The following RHD variants were observed in gnomAD, a reference collection of about 807,000 sequenced individuals.
RHD encodes the protein Rh blood group D antigen.
Under a neutral mutation model 45.5 loss-of-function variants are expected in RHD, and 16 were observed. That is an observed-to-expected ratio of 0.35 (90% confidence interval 0.24 to 0.53). The LOEUF is 0.53. Among genes scored for constraint, RHD ranks in the 20% least tolerant of loss-of-function variants. The probability of loss-of-function intolerance (pLI) is 0.92; values close to 1 mark genes in which losing one functional copy is unlikely to be tolerated. For missense variants in RHD, 306 were observed against 532.0 expected (o/e 0.58, Z 4.18); for synonymous variants, 131 against 217.5 (o/e 0.60, Z 3.50).
chr1:25,311,044 A>C (rs1431129277), intron 7 of RHD, among the ~76,000 whole-genome samples: 1 of 131,602 alleles, frequency 7.6e-6, no homozygotes, highest in African/African-American at 2.6e-5. Flanking sequence ...GAGGGCTTAA[A>C]GGAAGACCCC....
At chr1:25,296,269 G>C (rs1012869663) in intron 3 of RHD, among the ~76,000 whole-genome samples, 1 of 127,366 alleles carries the variant, frequency 7.9e-6, no homozygotes, top group Non-Finnish European at 1.8e-5. Context: ...TTGAGACAGA[G>C]TCTTGCTCCA....
intron 8 of RHD, among the ~76,000 whole-genome samples, chr1:25,318,925 T>A (rs1644555240): frequency 7.5e-6 from 1 of 133,148 alleles, no homozygotes; most frequent in African/African-American, 2.6e-5. Flanking sequence ...ATACCATGTC[T>A]GGCCTTAGCT....
At position 25,312,920 on chromosome 1, in the gene RHD, TAAAAAAAAAAAAAAAAAAAAAA is replaced by T. The variant is rs58027687; in HGVS notation, c.1074-4066_1074-4045del. On this transcript the variant is annotated intron_variant, in intron 7 of 9. Transcript: ENST00000328664. ...GGATGATAGAGCAAAATCCCATCTC[TAAAAAAAAAAAAAAAAAAAAAA>T]AAAAAAAAAAAAACTTTAGTGCTAT... 2.9e-4 allele frequency among the ~76,000 whole-genome samples: 2 copies of T among 6,850 alleles called. 1 individual carries two copies. The highest frequency in any genetic ancestry group is 0.011 in the South Asian group (2 of 184). The allele number at this position is 6,850 out of a possible 152,430, so 4.5% of individuals were successfully genotyped here. A position where few individuals can be genotyped will look rare whatever the true frequency, so the allele number is the denominator to read the frequency against.
intron 1 of RHD, among the ~76,000 whole-genome samples, chr1:25,279,972 G>C (rs1314532554): frequency 1.5e-5 from 2 of 129,182 alleles, no homozygotes; most frequent in Non-Finnish European, 3.6e-5. Flanking sequence ...TCCAAGCTGG[G>C]ACCCAGCCCT....
chr1:25,272,841 G>C (rs1486336375), intron 1 of RHD, 146 bp downstream of exon 1: 1 of 1,064,890 alleles, frequency 9.4e-7, no homozygotes, highest in Non-Finnish European at 1.4e-6. Context: ...AGATTGCACC[G>C]AAATTCAGCC....
Position 25,284,624 on chromosome 1 carries a change from C to T in RHD, c.200C>T (p.Ser67Leu), listed in dbSNP as rs748589594. The T allele has an allele frequency of 7.2e-7, 1 of 1,389,140 alleles. No individual in the cohort carries two copies. Among genetic ancestry groups the T allele is most frequent in the South Asian group, 1.2e-5 (1 of 85,492 alleles). 86.1% of individuals were successfully genotyped at this position (1,389,140 alleles called of 1,614,324 possible). A position where few individuals can be genotyped will look rare whatever the true frequency, so the allele number is the denominator to read the frequency against. Residue 67 changes from serine (S) to leucine (L), a missense_variant, in exon 2 of 10, where the codon TCG becomes TTG. Ser to Leu is a moderately radical substitution (Grantham distance 145). Transcript: ENST00000328664. ...MAAIGLGFLT[S>L]SFRRHSWSSV... is the part of the protein sequence containing the mutation. ...GCCATTGGCTTGGGCTTCCTCACCT[C>T]GAGTTTCCGGAGACACAGCTGGAGC... is the stretch of plus-strand genomic sequence containing the variant.
At chr1:25,273,302 A>AATTT (rs1553137277) in intron 1 of RHD, among the ~76,000 whole-genome samples, 19 of 97,738 alleles carry the variant, frequency 1.9e-4, no homozygotes, top group African/African-American at 7.0e-4. Context: ...TGCCTGGCTA[A>AATTT]TTTTTTTTTT....
intron 1 of RHD, among the ~76,000 whole-genome samples, chr1:25,284,229 A>G (rs550747641): frequency 1.8e-4 from 24 of 136,168 alleles, no homozygotes; most frequent in Non-Finnish European, 3.2e-4. Flanking sequence ...CTGAGTGTCC[A>G]TGTGCGTCAA....
chr1:25,321,217 A>G lies in RHD; in HGVS notation c.1154-672A>G, dbSNP rs397792670. On this transcript the variant is annotated intron_variant, in intron 8 of 9. Coordinates refer to ENST00000328664, the MANE Select transcript of RHD (RefSeq NM_016124.6). Reference sequence around the variant, plus strand: ...CCTATAGGAGCACCCAATTGGAGTCACCCTCCATAGTAGCCCATATGTCTT... The same window carrying G: ...CCTATAGGAGCACCCAATTGGAGTCGCCCTCCATAGTAGCCCATATGTCTT... Among the ~76,000 whole-genome samples the G allele has an allele frequency of 1.2e-4, 15 of 128,018 alleles. 4 individuals are homozygous for G. The highest frequency in any genetic ancestry group is 2.0e-4 in the East Asian group (1 of 5,074). The allele number at this position is 128,018 out of a possible 152,430, so 84.0% of individuals were successfully genotyped here. A position where few individuals can be genotyped will look rare whatever the true frequency, so the allele number is the denominator to read the frequency against.
intron 2 of RHD, among the ~76,000 whole-genome samples, chr1:25,285,300 G>T (rs1158072888): frequency 7.5e-6 from 1 of 133,704 alleles, no homozygotes; most frequent in East Asian, 1.9e-4. Flanking sequence ...GCGCCTGGCT[G>T]ATTTTGTATT....
intron 7 of RHD, chr1:25,307,740 T>C (rs1557550394): frequency 7.6e-7 from 1 of 1,307,752 alleles, no homozygotes. Context: ...ATGGAGGCGC[T>C]GCGGTTCCTA....
chr1:25,281,814 A>G lies in RHD; in HGVS notation c.149-2759A>G, dbSNP rs191640036. Among the ~76,000 whole-genome samples the G allele has an allele frequency of 9.1e-5, 12 of 132,330 alleles. 2 individuals are homozygous for G. Among genetic ancestry groups the G allele is most frequent in the African/African-American group, 2.6e-4 (10 of 38,790 alleles). 86.8% of individuals were successfully genotyped at this position (132,330 alleles called of 152,430 possible). A position where few individuals can be genotyped will look rare whatever the true frequency, so the allele number is the denominator to read the frequency against. On this transcript the variant is annotated intron_variant, in intron 1 of 9. Coordinates refer to ENST00000328664, the MANE Select transcript of RHD (RefSeq NM_016124.6). ...ATGGAGGTCCTTGGGGGCCTCCTATATCCTGGTGGTGTCAGGTTGATTTGG... is the reference window on the plus strand; with the variant it reads ...ATGGAGGTCCTTGGGGGCCTCCTATGTCCTGGTGGTGTCAGGTTGATTTGG...
At chr1:25,319,984 A>C (rs1173536328) in intron 8 of RHD, among the ~76,000 whole-genome samples, 6 of 130,566 alleles carry the variant, frequency 4.6e-5, no homozygotes, top group South Asian at 2.3e-4. Context: ...CTACAACCTC[A>C]GCCTCCTGGG....
intron 1 of RHD, among the ~76,000 whole-genome samples, chr1:25,279,803 A>G (rs920652292): frequency 7.7e-6 from 1 of 130,264 alleles, no homozygotes; most frequent in South Asian, 2.3e-4. Context: ...TTTCCGTAGA[A>G]TGTACAATTC....
rs1642656061 is a variant in RHD, at chr1:25,293,159, G to C, written c.486+2368G>C. Among the ~76,000 whole-genome samples the C allele has an allele frequency of 1.5e-5, 2 of 131,438 alleles. 1 individual carries two copies. Among genetic ancestry groups the C allele is most frequent in the African/African-American group, 5.3e-5 (2 of 37,928 alleles). The allele number at this position is 131,438 out of a possible 152,430, so 86.2% of individuals were successfully genotyped here. On this transcript the variant is annotated intron_variant, in intron 3 of 9. Coordinates refer to ENST00000328664, the MANE Select transcript of RHD (RefSeq NM_016124.6). ...AAAGTGGAGACAGCATGCAGGGGCA[G>C]CTCTGCCAAGGACTTTGCTATAAAG...
At chr1:25,300,840 A>C in intron 3 of RHD, 106 bp from the exon 4 acceptor site, 1 of 1,220,090 alleles carries the variant, frequency 8.2e-7, no homozygotes, top group Non-Finnish European at 1.2e-6. Flanking sequence ...TCATGGCTTC[A>C]AGTCACACCT....
Position 25,283,015 on chromosome 1 carries a change from CT to C in RHD, c.149-1557del, listed in dbSNP as rs1411146277. ...GGAAAAAAAATTCTTCAAGATCTCT[CT>C]CTCTCCAGTCATTTATTCATGTGCG... On this transcript the variant is annotated intron_variant, in intron 1 of 9. Coordinates refer to ENST00000328664, the MANE Select transcript of RHD (RefSeq NM_016124.6). 1.5e-5 allele frequency among the ~76,000 whole-genome samples: 2 copies of C among 133,264 alleles called. 1 individual carries two copies. The highest frequency in any genetic ancestry group is 3.6e-5 in the Non-Finnish European group (2 of 56,156). 87.4% of individuals were successfully genotyped at this position (133,264 alleles called of 152,430 possible). A position where few individuals can be genotyped will look rare whatever the true frequency, so the allele number is the denominator to read the frequency against.
intron 7 of RHD, among the ~76,000 whole-genome samples, chr1:25,315,743 G>C (rs369913758): frequency 1.5e-5 from 2 of 129,848 alleles, no homozygotes; most frequent in East Asian, 3.9e-4. Flanking sequence ...TGATCTGCCC[G>C]CCTCGGCCTC....
chr1:25,313,023 C>G (rs1361475645), intron 7 of RHD, among the ~76,000 whole-genome samples: 2 of 111,706 alleles, frequency 1.8e-5, no homozygotes, highest in Non-Finnish European at 4.0e-5. Flanking sequence ...GGGCAGGATG[C>G]TGTGGTTTGA....
Sources: gnomAD v4.1 joint callset for allele counts (sites outside exome capture counted in the v4.1 genomes callset) on GRCh38, gnomAD v4.1.1 for gene constraint, MANE v1.5 for transcripts, NCBI Gene and HGNC (gene_info 2026-07-23, HGNC 2026-07-21) for gene names.